The following HDAC9 variants were observed in gnomAD, a reference collection of about 807,000 sequenced individuals.
HDAC9 encodes the protein MEF-2 interacting transcription repressor (MITR) protein.
In HDAC9, 41 loss-of-function variants were observed where a neutral mutation model predicts 139.4. That is an observed-to-expected ratio of 0.29 (90% CI 0.23 to 0.38). HDAC9 has a LOEUF of 0.38. HDAC9 is among the 10% of genes least tolerant of loss of function. The pLI is 1.00. For missense variants in HDAC9, 1,147 were observed against 1,297.0 expected (o/e 0.88, Z 1.78); for synonymous variants, 517 against 476.2 (o/e 1.09, Z -1.12).
intron 1 of HDAC9, among the ~76,000 whole-genome samples, chr7:18,457,563 C>T (rs2128107137): frequency 6.6e-6 from 1 of 152,120 alleles, no homozygotes. Context: ...GCTGTCTGCC[C>T]CTGTGCAGCT....
intron 2 of HDAC9, among the ~76,000 whole-genome samples, chr7:18,230,841 G>A (rs765161052): frequency 1.3e-4 from 20 of 152,132 alleles, no homozygotes; most frequent in Non-Finnish European, 2.4e-4. Flanking sequence ...AGATTAATGC[G>A]TTCCAACAAC....
intron 2 of HDAC9, among the ~76,000 whole-genome samples, chr7:18,277,226 A>T (rs535596939): frequency 6.6e-6 from 1 of 152,178 alleles, no homozygotes; most frequent in Non-Finnish European, 1.5e-5. Context: ...ACTCCAGAAG[A>T]AGTAGGAGCG....
At chr7:18,968,547 G>A (rs1464649800) in intron 24 of HDAC9, among the ~76,000 whole-genome samples, 1 of 152,148 alleles carries the variant, frequency 6.6e-6, no homozygotes, top group Non-Finnish European at 1.5e-5. Context: ...AACAAAATGA[G>A]TACCGCAGAT....
At chr7:18,755,529 G>A (rs1176029807) in intron 14 of HDAC9, among the ~76,000 whole-genome samples, 1 of 152,008 alleles carries the variant, frequency 6.6e-6, no homozygotes, top group Non-Finnish European at 1.5e-5. Flanking sequence ...GTTTAAAAAA[G>A]CAAAGCTTTA....
At chr7:18,897,335 G>A (rs562332000) in intron 22 of HDAC9, among the ~76,000 whole-genome samples, 4 of 151,930 alleles carry the variant, frequency 2.6e-5, no homozygotes, top group East Asian at 3.9e-4. Context: ...AATAATTCTC[G>A]AAAATCTAAA....
chr7:18,354,216 A>C (rs1783078609), intron 1 of HDAC9, among the ~76,000 whole-genome samples: 1 of 152,180 alleles, frequency 6.6e-6, no homozygotes, highest in African/African-American at 2.4e-5. Flanking sequence ...GTTAGGGAAA[A>C]AAGTCACTTT....
At chr7:18,832,189 G>C (rs142226714) in intron 19 of HDAC9, among the ~76,000 whole-genome samples, 29 of 152,326 alleles carry the variant, frequency 1.9e-4, no homozygotes, top group African/African-American at 6.0e-4. Context: ...AAGTAAGACT[G>C]TATGACTCAG....
intron 14 of HDAC9, among the ~76,000 whole-genome samples, chr7:18,757,697 C>T (rs1444743165): frequency 6.6e-6 from 1 of 152,034 alleles, no homozygotes; most frequent in East Asian, 1.9e-4. Flanking sequence ...TTTTTCCCTG[C>T]TCCTTGGCAG....
chr7:18,439,463 C>G (rs921541457), intron 1 of HDAC9, among the ~76,000 whole-genome samples: 4 of 152,160 alleles, frequency 2.6e-5, no homozygotes, highest in African/African-American at 9.7e-5. Flanking sequence ...GACTCAAGAA[C>G]TTTTGCCCAT....
At chr7:18,841,397 A>G (rs74822408) in intron 21 of HDAC9, among the ~76,000 whole-genome samples, 5,638 of 152,198 alleles carry the variant, frequency 0.037, 150 homozygotes, top group Non-Finnish European at 0.056. Context: ...CAATATAATA[A>G]TAATAACACA....
chr7:18,241,515 GT>G (rs1272310576), intron 2 of HDAC9, among the ~76,000 whole-genome samples: 2 of 152,062 alleles, frequency 1.3e-5, no homozygotes, highest in Non-Finnish European at 2.9e-5. Flanking sequence ...CCTCTTTGTT[GT>G]TTTCACTACA....
chr7:18,109,129 G>T (rs1286634154), intron 1 of HDAC9, among the ~76,000 whole-genome samples: 2 of 152,188 alleles, frequency 1.3e-5, no homozygotes, highest in African/African-American at 4.8e-5. Flanking sequence ...TAAAGTAATG[G>T]ATAGGAATTA....
intron 2 of HDAC9, among the ~76,000 whole-genome samples, chr7:18,237,795 A>T (rs2567217): frequency 0.69 from 104,562 of 152,078 alleles, 36,352 homozygotes; most frequent in South Asian, 0.84. Flanking sequence ...AGGATTTGAG[A>T]TAAGGCCCAG....
intron 21 of HDAC9, among the ~76,000 whole-genome samples, chr7:18,866,646 AAATG>A (rs1798521340): frequency 6.6e-6 from 1 of 152,200 alleles, no homozygotes; most frequent in South Asian, 2.1e-4. Context: ...AATTACTTCT[AAATG>A]AATATAAAAA....
At chr7:18,525,461 A>G (rs1301441749) in intron 2 of HDAC9, among the ~76,000 whole-genome samples, 2 of 152,264 alleles carry the variant, frequency 1.3e-5, no homozygotes, top group African/African-American at 4.8e-5. Context: ...AAATAAATAT[A>G]ATTCTTTGGT....
intron 22 of HDAC9, among the ~76,000 whole-genome samples, chr7:18,917,609 G>A (rs1803321665): frequency 2.0e-5 from 3 of 151,914 alleles, no homozygotes; most frequent in African/African-American, 2.4e-5. Flanking sequence ...AGAAGGACAC[G>A]AGTGAAGAGA....
chr7:18,491,707 C>T (rs542356032), upstream of HDAC9, among the ~76,000 whole-genome samples: 6 of 152,030 alleles, frequency 3.9e-5, no homozygotes, highest in Admixed American at 1.3e-4. Context: ...ATGCAGTTCT[C>T]GTGGAATCAA....
intron 1 of HDAC9, among the ~76,000 whole-genome samples, chr7:18,338,088 C>G (rs1478747034): frequency 1.3e-5 from 2 of 151,616 alleles, no homozygotes; most frequent in African/African-American, 4.8e-5. Flanking sequence ...GGTTAAGTAC[C>G]TTTTTCCTGG....
intron 10 of HDAC9, 144 bp from the exon 11 acceptor site, chr7:18,648,322 A>T: frequency 1.4e-6 from 1 of 704,974 alleles, no homozygotes; most frequent in African/African-American, 1.8e-5. Flanking sequence ...GCCTGGTAGC[A>T]TCACTAATTC....
Sources: allele counts gnomAD v4.1 joint callset (sites outside exome capture counted in the v4.1 genomes callset), GRCh38; gene constraint gnomAD v4.1.1; transcripts MANE v1.5; gene names NCBI Gene and HGNC (gene_info 2026-07-23, HGNC 2026-07-21).